Variants in TNIK observed in about 807,000 individuals in gnomAD.
The protein encoded by TNIK is TRAF2 and NCK-interacting protein kinase.
Under a neutral mutation model 191.3 loss-of-function variants are expected in TNIK, and 49 were observed. The observed-to-expected ratio is 0.26, with a 90% CI of 0.20 to 0.32. The LOEUF is 0.32. Among genes scored for constraint, TNIK ranks in the 10% least tolerant of loss-of-function variants. The pLI is 1.00. For synonymous variants in TNIK, 594 were observed against 600.9 expected (o/e 0.99, Z 0.17); for missense variants, 1,155 against 1,702.3 (o/e 0.68, Z 5.66).
intron 2 of TNIK, among the ~76,000 whole-genome samples, chr3:171,357,360 C>T (rs966845662): frequency 4.6e-5 from 7 of 151,418 alleles, no homozygotes; most frequent in African/African-American, 1.7e-4. Flanking sequence ...ATGATCTCAG[C>T]TCATTGCAAC....
chr3:171,152,659 C>T (rs1732600770), intron 12 of TNIK, among the ~76,000 whole-genome samples: 1 of 152,160 alleles, frequency 6.6e-6, no homozygotes, highest in Non-Finnish European at 1.5e-5. Flanking sequence ...CTTTTCACTC[C>T]AAGTGCAGAT....
Position 171,167,204 on chromosome 3 carries a change from T to C in TNIK, c.840A>G (p.Thr280=). The change falls in exon 10 of 33, where the codon ACA becomes ACG. Residue 280 remains threonine, a synonymous_variant. Transcript: ENST00000436636. ...LVKNHSQRPA[T]EQLMKHPFIR... is the part of the protein sequence containing the mutation. ...TAAATGGATGCTTCATCAATTGTTC[T>C]GTTGCTGGTCGCTGGCTGTGATTCT... 3 of 1,614,018 alleles carry C rather than the reference T, an allele frequency of 1.9e-6. No individual in the cohort carries two copies. The highest frequency in any genetic ancestry group is 2.5e-6 in the Non-Finnish European group (3 of 1,179,894).
intron 22 of TNIK, among the ~76,000 whole-genome samples, chr3:171,097,725 TTCTTTA>T (rs1425330153): frequency 6.6e-6 from 1 of 152,198 alleles, no homozygotes; most frequent in African/African-American, 2.4e-5. Flanking sequence ...AAACCTCTTT[TTCTTTA>T]TAACTTTATA....
intron 2 of TNIK, among the ~76,000 whole-genome samples, chr3:171,304,914 C>T (rs547082519): frequency 6.7e-6 from 1 of 149,970 alleles, no homozygotes; most frequent in African/African-American, 2.5e-5. Context: ...TGCTAAACGA[C>T]AAGTTAATGG....
chr3:171,255,424 C>A (rs1280454349), intron 2 of TNIK, among the ~76,000 whole-genome samples: 2 of 152,158 alleles, frequency 1.3e-5, no homozygotes. Context: ...AACTACAAAT[C>A]ATTTTGAAAG....
At chr3:171,219,147 T>C (rs1560279104) in intron 3 of TNIK, among the ~76,000 whole-genome samples, 2 of 125,586 alleles carry the variant, frequency 1.6e-5, no homozygotes, top group East Asian at 4.0e-4. Context: ...ATATATATTA[T>C]AAAATATATA....
intron 1 of TNIK, among the ~76,000 whole-genome samples, chr3:171,395,619 T>C (rs1285518889): frequency 6.6e-6 from 1 of 152,210 alleles, no homozygotes; most frequent in Non-Finnish European, 1.5e-5. Flanking sequence ...AGACATTTGA[T>C]ATTTGAAAAC....
intron 24 of TNIK, among the ~76,000 whole-genome samples, chr3:171,086,666 T>C (rs1471010927): frequency 6.6e-6 from 1 of 152,210 alleles, no homozygotes; most frequent in Admixed American, 6.5e-5. Context: ...TATAAACACA[T>C]TTAGGGCCTT....
rs951283456 is a variant in TNIK at position 171,126,297 on chromosome 3, G to GT, written c.1774-147dup. On this transcript the variant is annotated intron_variant, in intron 16 of 32. Transcript: ENST00000436636. ...AGTCTATCACAACTATATATAGCATGTTTTTTAACAGCTCTTCAAAATTTT... is the reference window on the plus strand; with the variant it reads ...AGTCTATCACAACTATATATAGCATGTTTTTTTAACAGCTCTTCAAAATTTT... 97 of 1,006,562 alleles carry GT rather than the reference G, an allele frequency of 9.6e-5. 1 individual carries two copies. In the African/African-American group the frequency reaches 1.5e-3, roughly 15 times the overall value. The allele number at this position is 1,006,562 out of a possible 1,614,324, so 62.4% of individuals were successfully genotyped here.
At chr3:171,448,451 T>C (rs1166773391) in intron 1 of TNIK, among the ~76,000 whole-genome samples, 1 of 152,232 alleles carries the variant, frequency 6.6e-6, no homozygotes, top group Non-Finnish European at 1.5e-5. Flanking sequence ...CTTCCTTTTA[T>C]TGTAGAATAA....
chr3:171,101,377 C>T, intron 22 of TNIK, 72 bp downstream of exon 22: 1 of 1,487,616 alleles, frequency 6.7e-7, no homozygotes, highest in Non-Finnish European at 9.0e-7. Context: ...ACATTTAACT[C>T]ATATTTTTTT....
At chr3:171,415,637 AACAACTGTT>A (rs1221430449) in intron 1 of TNIK, among the ~76,000 whole-genome samples, 1 of 152,112 alleles carries the variant, frequency 6.6e-6, no homozygotes, top group Non-Finnish European at 1.5e-5. Flanking sequence ...CCATGACTCC[AACAACTGTT>A]ACAATAGTTA....
At chr3:171,214,518 C>A (rs1398488797) in intron 3 of TNIK, among the ~76,000 whole-genome samples, 1 of 152,132 alleles carries the variant, frequency 6.6e-6, no homozygotes, top group Non-Finnish European at 1.5e-5. Context: ...ATTTGAATAG[C>A]CTCTATTTGT....
At chr3:171,096,844 A>G (rs1347798886) in intron 22 of TNIK, among the ~76,000 whole-genome samples, 1 of 152,216 alleles carries the variant, frequency 6.6e-6, no homozygotes, top group Admixed American at 6.5e-5. Flanking sequence ...ATCTTGGGTC[A>G]AGGGCTTTGT....
In TNIK at chr3:171,125,922, A is replaced by C; in HGVS notation, c.2003T>G (p.Ile668Ser). The C allele has an allele frequency of 6.2e-7, 1 of 1,614,000 alleles. No homozygotes were observed. The highest frequency in any genetic ancestry group is 8.5e-7 in the Non-Finnish European group (1 of 1,179,890). Residue 668 changes from isoleucine (I) to serine (S), a missense_variant, in exon 17 of 33, where the codon ATT (isoleucine) becomes AGT (serine). This residue lies in a region of TNIK where 735 missense variants were observed against 848.0 expected (regional missense o/e 0.87). Coordinates refer to ENST00000436636, the MANE Select transcript of TNIK (RefSeq NM_015028.4). Reference protein sequence around the residue: ...RSSWLRQEEDIPPKVPQRTTS... With the variant: ...RSSWLRQEEDSPPKVPQRTTS... Reference sequence around the variant, plus strand: ...CCCAGTAAATATTACCTTTGGTGGAATGTCTTCTTCCTGTCGTAACCAAGA... The same window carrying C: ...CCCAGTAAATATTACCTTTGGTGGACTGTCTTCTTCCTGTCGTAACCAAGA...
chr3:171,215,780 C>T (rs1418327003), intron 3 of TNIK, among the ~76,000 whole-genome samples: 1 of 152,132 alleles, frequency 6.6e-6, no homozygotes, highest in Admixed American at 6.6e-5. Context: ...CTTTAAGTGC[C>T]TATGATATGC....
rs138648876 is a variant in TNIK, at chr3:171,276,619, A to G, written c.124-48398T>C. 2.6e-3 allele frequency among the ~76,000 whole-genome samples: 398 copies of G among 152,350 alleles called. 1 individual carries two copies. Among genetic ancestry groups the G allele is most frequent in the African/African-American group, 8.6e-3 (356 of 41,578 alleles). On this transcript the variant is annotated intron_variant, in intron 2 of 32. Transcript: ENST00000436636. ...TTCAATTTTTAGAATTAACCTTTTG[A>G]TAAAGCTTAAAGACTTAAATGTACT... is the stretch of plus-strand genomic sequence containing the variant.
chr3:171,398,722 A>G (rs1473141784), intron 1 of TNIK, among the ~76,000 whole-genome samples: 2 of 152,240 alleles, frequency 1.3e-5, no homozygotes, highest in East Asian at 3.8e-4. Flanking sequence ...TCACTGAGGT[A>G]GGGGCATTCT....
intron 15 of TNIK, among the ~76,000 whole-genome samples, chr3:171,131,079 A>G (rs997735840): frequency 5.5e-5 from 8 of 144,210 alleles, no homozygotes; most frequent in Non-Finnish European, 9.1e-5. Context: ...AGCTATCATT[A>G]GAAATTAACA....
Sources: allele counts gnomAD v4.1 joint callset (sites outside exome capture counted in the v4.1 genomes callset), GRCh38; gene constraint gnomAD v4.1.1; regional missense constraint gnomAD v4.1.1; transcripts MANE v1.5; gene names NCBI Gene and HGNC (gene_info 2026-07-23, HGNC 2026-07-21).